KCNG3: variants seen among roughly 807,000 people sequenced by gnomAD.
The protein encoded by KCNG3 is potassium voltage-gated channel modifier subfamily G member 3.
Under a neutral mutation model 29.0 loss-of-function variants are expected in KCNG3, and 15 were observed. The ratio of observed to expected loss-of-function variants is 0.52; its 90% CI spans 0.35 to 0.80. The LOEUF (loss-of-function observed/expected upper bound fraction) is 0.80. Ranked by LOEUF, KCNG3 falls within the 30% of genes least tolerant of loss-of-function variation. The pLI, the probability that KCNG3 is intolerant of heterozygous loss-of-function variation, is 0.01. For synonymous variants in KCNG3, 322 were observed against 248.9 expected (o/e 1.29, Z -2.76); for missense variants, 512 against 605.7 (o/e 0.85, Z 1.62).
chr2:42,462,424 T>C (rs1277353780), intron 1 of KCNG3, among the ~76,000 whole-genome samples: 2 of 152,158 alleles, frequency 1.3e-5, no homozygotes, highest in Admixed American at 1.3e-4. Context: ...CTTAGCCGGG[T>C]GCAGTGGCTC....
At chr2:42,448,934 C>T (rs1215762435) in intron 1 of KCNG3, among the ~76,000 whole-genome samples, 2 of 151,582 alleles carry the variant, frequency 1.3e-5, no homozygotes, top group Non-Finnish European at 2.9e-5. Context: ...GCTGAGATCG[C>T]GCCACTGCAC....
the KCNG3 span, among the ~76,000 whole-genome samples, chr2:42,419,826 T>A: frequency 6.6e-6 from 1 of 152,228 alleles, no homozygotes; most frequent in African/African-American, 2.4e-5. Flanking sequence ...CAGGGTTAAA[T>A]CGCAGAACTG....
intron 1 of KCNG3, among the ~76,000 whole-genome samples, chr2:42,447,499 A>C (rs1672629756): frequency 6.6e-6 from 1 of 151,198 alleles, no homozygotes; most frequent in Non-Finnish European, 1.5e-5. Flanking sequence ...ATGAACATTA[A>C]CACTGATGCA....
Position 42,442,790 on chromosome 2 carries a change from G to A in KCNG3, c.*1144C>T, listed in dbSNP as rs922271203. Reference sequence around the variant, plus strand: ...CCTAATAATCTAGCCAGATTAACATGGCATATTAGTCAGTATTCTTACAAG... The same window carrying A: ...CCTAATAATCTAGCCAGATTAACATAGCATATTAGTCAGTATTCTTACAAG... On this transcript the variant is annotated 3_prime_UTR_variant, in exon 2 of 2. Coordinates refer to ENST00000306078, the MANE Select transcript of KCNG3 (RefSeq NM_133329.6). 2 of 152,134 alleles carry A rather than the reference G, an allele frequency of 1.3e-5. No individual in the cohort carries two copies. The highest frequency in any genetic ancestry group is 4.1e-4 in the South Asian group (2 of 4,830). The allele number at this position is 152,134 out of a possible 1,614,324, so 9.4% of individuals were successfully genotyped here.
intron 1 of KCNG3, among the ~76,000 whole-genome samples, chr2:42,446,874 C>T (rs887863488): frequency 1.3e-5 from 2 of 151,982 alleles, no homozygotes; most frequent in African/African-American, 4.8e-5. Context: ...GGCATGGTGG[C>T]TTATACTTGT....
chr2:42,472,071 A>C (rs991519231), intron 1 of KCNG3, among the ~76,000 whole-genome samples: 6 of 152,192 alleles, frequency 3.9e-5, no homozygotes, highest in Non-Finnish European at 5.9e-5. Flanking sequence ...ATTTAGCAAC[A>C]TCGAGGAGAG....
At chr2:42,425,913 C>G in the KCNG3 span, among the ~76,000 whole-genome samples, 1 of 152,166 alleles carries the variant, frequency 6.6e-6, no homozygotes, top group Non-Finnish European at 1.5e-5. Context: ...TAAGAATGAA[C>G]TACTGTACAC....
the KCNG3 span, among the ~76,000 whole-genome samples, chr2:42,408,201 A>G: frequency 4.6e-5 from 7 of 152,238 alleles, 1 homozygote; most frequent in South Asian, 1.4e-3. Context: ...CCTGGGCGCC[A>G]TGAACAGCAG....
intron 1 of KCNG3, among the ~76,000 whole-genome samples, chr2:42,457,012 T>C (rs147815482): frequency 6.6e-6 from 1 of 152,174 alleles, no homozygotes. Context: ...ATATATACCA[T>C]TCATACCTCT....
At chr2:42,480,758 TAAAAAAA>T (rs11338189) in intron 1 of KCNG3, among the ~76,000 whole-genome samples, 1 of 122,692 alleles carries the variant, frequency 8.2e-6, no homozygotes, top group Non-Finnish European at 1.7e-5. Flanking sequence ...AACCCCATCT[TAAAAAAA>T]AAAAAAAAAA....
In KCNG3 at chr2:42,458,989, G is replaced by T. The variant is rs190448189; in HGVS notation, c.666-14410C>A. Among the ~76,000 whole-genome samples, 137 of 152,196 alleles carry T rather than the reference G, an allele frequency of 9.0e-4. 1 individual carries two copies. The highest frequency in any genetic ancestry group is 3.1e-3 in the African/African-American group (130 of 41,524). ...AGGTGGGTGGATTACCTGAGGTCAG[G>T]AGTTCAAGACGAGTCCGACCAACAT... is the stretch of plus-strand genomic sequence containing the variant. On this transcript the variant is annotated intron_variant, in intron 1 of 1. Coordinates refer to ENST00000306078, the MANE Select transcript of KCNG3 (RefSeq NM_133329.6).
chr2:42,446,204 T>A lies in KCNG3; in HGVS notation c.666-1625A>T, dbSNP rs555073086. Among the ~76,000 whole-genome samples, 6 of 150,916 alleles carry A rather than the reference T, an allele frequency of 4.0e-5. No homozygotes were observed. In the East Asian group the frequency reaches 1.2e-3, roughly 30 times the overall value. ...TTATTTTTTTTTAATTGAGATGGAG[T>A]GTCGTTCTGTCACCCAGGCTGGAGT... On this transcript the variant is annotated intron_variant, in intron 1 of 1. Transcript: ENST00000306078.
chr2:42,439,968 T>C (rs1269105502), downstream of KCNG3, among the ~76,000 whole-genome samples: 2 of 152,134 alleles, frequency 1.3e-5, no homozygotes, highest in Non-Finnish European at 2.9e-5. Flanking sequence ...AAAGAAATCC[T>C]TCATGGCTTC....
chr2:42,453,874 T>C (rs767799392), intron 1 of KCNG3, among the ~76,000 whole-genome samples: 3 of 152,180 alleles, frequency 2.0e-5, no homozygotes, highest in Non-Finnish European at 2.9e-5. Flanking sequence ...CCAGTTTGAT[T>C]TGATTTTTTT....
intron 1 of KCNG3, among the ~76,000 whole-genome samples, chr2:42,468,110 C>A (rs1673189719): frequency 6.6e-6 from 1 of 152,060 alleles, no homozygotes; most frequent in Admixed American, 6.6e-5. Context: ...TCCAAAAATG[C>A]ATTTAAAAAT....
intron 1 of KCNG3, among the ~76,000 whole-genome samples, chr2:42,462,590 G>C (rs890404318): frequency 6.6e-6 from 1 of 152,138 alleles, no homozygotes; most frequent in East Asian, 1.9e-4. Flanking sequence ...GCTGAGGCAC[G>C]AGAATCACTT....
At chr2:42,457,627 T>TCTCACACACACACACA (rs1553327818) in intron 1 of KCNG3, among the ~76,000 whole-genome samples, 8 of 125,434 alleles carry the variant, frequency 6.4e-5, no homozygotes, top group South Asian at 3.0e-4. Context: ...CAGGCAGATC[T>TCTCACACACACACACA]CACACACACA....
chr2:42,469,679 G>C (rs1461962344), intron 1 of KCNG3: 1 of 152,080 alleles, frequency 6.6e-6, no homozygotes, highest in African/African-American at 2.4e-5. Flanking sequence ...AAATATAAAA[G>C]AATCTTTATG....
At chr2:42,433,975 T>A in the KCNG3 span, among the ~76,000 whole-genome samples, 3 of 152,092 alleles carry the variant, frequency 2.0e-5, no homozygotes, top group African/African-American at 7.2e-5. Context: ...TATAAAACAT[T>A]GTTGAAAGAA....
Sources: gnomAD v4.1 joint callset for allele counts (sites outside exome capture counted in the v4.1 genomes callset) on GRCh38, gnomAD v4.1.1 for gene constraint, MANE v1.5 for transcripts, NCBI Gene and HGNC (gene_info 2026-07-23, HGNC 2026-07-21) for gene names.